The following EFR3A variants were observed in gnomAD, a reference collection of about 807,000 sequenced individuals.
EFR3A encodes EFR3 homolog A.
Under a neutral mutation model 104.4 loss-of-function variants are expected in EFR3A, and 76 were observed. The ratio of observed to expected loss-of-function variants is 0.73; its 90% CI spans 0.60 to 0.88. The LOEUF is 0.88. Ranked by LOEUF, EFR3A falls within the 40% of genes least tolerant of loss-of-function variation. The pLI is 0.00. For missense variants in EFR3A, 985 were observed against 1,012.5 expected, an observed-to-expected ratio of 0.97 and a Z score of 0.37; for synonymous variants, 330 against 330.0, an observed-to-expected ratio of 1.00 and a Z score of 0.00.
chr8:131,997,068 C>T (rs1821531598), intron 19 of EFR3A, among the ~76,000 whole-genome samples: 1 of 152,010 alleles, frequency 6.6e-6, no homozygotes, highest in Non-Finnish European at 1.5e-5. Flanking sequence ...AGATTTCATG[C>T]TCTCCTCCCG....
chr8:131,963,184 T>C (rs1169890566), intron 8 of EFR3A, among the ~76,000 whole-genome samples: 1 of 152,082 alleles, frequency 6.6e-6, no homozygotes, highest in Non-Finnish European at 1.5e-5. Flanking sequence ...AGCAAACACA[T>C]TCAAAAGCTA....
Position 131,926,610 on chromosome 8 carries a change from T to A in EFR3A, c.11-13889T>A, listed in dbSNP as rs546876950. On this transcript the variant is annotated intron_variant, in intron 1 of 22. Transcript: ENST00000254624. ...GAAACACACCTGTAAGTTGTTTTTT[T>A]AAAAAAAAATTTTGGAGGGTATTTT... Among the ~76,000 whole-genome samples, 31 of 151,732 alleles carry A rather than the reference T, an allele frequency of 2.0e-4. No homozygotes were observed. In the South Asian group the frequency reaches 5.6e-3, roughly 27 times the overall value.
At chr8:131,911,680 G>A (rs943287114) in intron 1 of EFR3A, among the ~76,000 whole-genome samples, 1 of 152,166 alleles carries the variant, frequency 6.6e-6, no homozygotes, top group African/African-American at 2.4e-5. Flanking sequence ...CCAAAGATAC[G>A]GGGGAAAATG....
Position 131,979,202 on chromosome 8 carries a change from G to C in EFR3A, c.1500-144G>C, listed in dbSNP as rs931936007. ...AAGATAACAAATTTTTGGAGGGCACGTATGTACTCTTCAGAAGCAATTCAG... is the reference window on the plus strand; with the variant it reads ...AAGATAACAAATTTTTGGAGGGCACCTATGTACTCTTCAGAAGCAATTCAG... On this transcript the variant is annotated intron_variant, in intron 13 of 22. Coordinates refer to ENST00000254624, the MANE Select transcript of EFR3A (RefSeq NM_015137.6). 1.1e-5 allele frequency: 10 copies of C among 919,896 alleles called. No homozygotes were observed. The Admixed American group carries it at 2.9e-4, about 27-fold the overall frequency. The allele number at this position is 919,896 out of a possible 1,614,324, so 57.0% of individuals were successfully genotyped here.
intron 12 of EFR3A, among the ~76,000 whole-genome samples, chr8:131,978,614 C>T (rs1820435207): frequency 6.6e-6 from 1 of 152,144 alleles, no homozygotes; most frequent in South Asian, 2.1e-4. Flanking sequence ...TGCTTAGAAT[C>T]ATGCCTAACA....
intron 3 of EFR3A, among the ~76,000 whole-genome samples, chr8:131,945,642 C>A (rs767802483): frequency 4.0e-5 from 6 of 151,772 alleles, no homozygotes; most frequent in Non-Finnish European, 7.4e-5. Context: ...TTAAATTTAC[C>A]CTTTAAAAAT....
chr8:131,962,321 C>CG (rs1210147280), intron 8 of EFR3A, among the ~76,000 whole-genome samples: 1 of 151,962 alleles, frequency 6.6e-6, no homozygotes, highest in African/African-American at 2.4e-5. Context: ...ACCCATCTCA[C>CG]GTGCAGAGAC....
Position 131,955,840 on chromosome 8 carries a change from T to A in EFR3A, c.711T>A (p.Cys237Ter). The A allele has an allele frequency of 6.2e-7, 1 of 1,613,678 alleles. No homozygotes were observed. Among genetic ancestry groups the A allele is most frequent in the Non-Finnish European group, 8.5e-7 (1 of 1,179,654 alleles). Residue 237 changes from cysteine (C) to a stop codon, truncating the protein, a stop_gained, in exon 7 of 23, where the codon TGT becomes TGA. Transcript: ENST00000254624. LOFTEE classifies it high-confidence loss of function. ...ATCCTGCTGTGCTGGCTGAAAACTG[T>A]TTCAGAGAACTGCTGGGTCGAGCAA... ...EENPAVLAEN[C>*]FRELLGRATF...
In EFR3A at chr8:131,904,184, A is replaced by ACCCTTCGCCCTTCG. The variant is rs776597379; in HGVS notation, c.-119_-106dup. 2 of 1,083,938 alleles carry ACCCTTCGCCCTTCG rather than the reference A, an allele frequency of 1.8e-6. No individual in the cohort carries two copies. Among genetic ancestry groups the ACCCTTCGCCCTTCG allele is most frequent in the Non-Finnish European group, 2.4e-6 (2 of 851,042 alleles). The allele number at this position is 1,083,938 out of a possible 1,614,324, so 67.1% of individuals were successfully genotyped here. ...CGCGGGGTCCGCGTCCGCTCCCTCCACCCTTCGCCCTTCGCCCTTCGCCTC... is the reference window on the plus strand; with the variant it reads ...CGCGGGGTCCGCGTCCGCTCCCTCCACCCTTCGCCCTTCGCCCTTCGCCCTTCGCCCTTCGCCTC... On this transcript the variant is annotated 5_prime_UTR_variant, in exon 1 of 23. Transcript: ENST00000254624.
chr8:131,935,718 C>G (rs1330911721), intron 1 of EFR3A, among the ~76,000 whole-genome samples: 2 of 151,944 alleles, frequency 1.3e-5, no homozygotes, highest in Non-Finnish European at 2.9e-5. Context: ...GTGTTACTAA[C>G]TTAGTATTTT....
intron 1 of EFR3A, among the ~76,000 whole-genome samples, chr8:131,926,753 G>C (rs1188790438): frequency 6.6e-6 from 1 of 152,114 alleles, no homozygotes; most frequent in African/African-American, 2.4e-5. Context: ...CCGAGTAACT[G>C]AGGCTATGAA....
rs549656201 is a variant in EFR3A at position 131,987,230 on chromosome 8, G to C, written c.1938-345G>C. Reference sequence around the variant, plus strand: ...GGGCTAATGATTTTTTTTTTATTTTGTCTCTCAGTACACTTTTTAATTAAC... The same window carrying C: ...GGGCTAATGATTTTTTTTTTATTTTCTCTCTCAGTACACTTTTTAATTAAC... On this transcript the variant is annotated intron_variant, in intron 17 of 22. Coordinates refer to ENST00000254624, the MANE Select transcript of EFR3A (RefSeq NM_015137.6). Among the ~76,000 whole-genome samples the C allele has an allele frequency of 1.8e-3, 280 of 151,460 alleles. 2 individuals are homozygous for C. The highest frequency in any genetic ancestry group is 6.6e-3 in the African/African-American group (272 of 41,316).
In EFR3A at chr8:131,984,312, T is replaced by C; in HGVS notation, c.1737+12T>C. The C allele has an allele frequency of 6.5e-7, 1 of 1,546,930 alleles. No homozygotes were observed. Among genetic ancestry groups the C allele is most frequent in the Non-Finnish European group, 8.7e-7 (1 of 1,149,404 alleles). Reference sequence around the variant, plus strand: ...CCATTGCTTTACAGGTATGCTTTCATAACCGTTCACTGCAGAAAACATTTT... The same window carrying C: ...CCATTGCTTTACAGGTATGCTTTCACAACCGTTCACTGCAGAAAACATTTT... On this transcript the variant is annotated intron_variant, in intron 15 of 22. Coordinates refer to ENST00000254624, the MANE Select transcript of EFR3A (RefSeq NM_015137.6).
chr8:131,919,128 C>G (rs1483012786), intron 1 of EFR3A, among the ~76,000 whole-genome samples: 3 of 151,738 alleles, frequency 2.0e-5, no homozygotes, highest in Non-Finnish European at 1.5e-5. Flanking sequence ...GCAGAAAGCC[C>G]CAAACCTATC....
At chr8:131,976,181 T>A in intron 11 of EFR3A, 40 bp downstream of exon 11, 1 of 1,274,918 alleles carries the variant, frequency 7.8e-7, no homozygotes, top group Non-Finnish European at 1.1e-6. Context: ...AATCTTGAGT[T>A]ACATTTTATC....
intron 18 of EFR3A, among the ~76,000 whole-genome samples, chr8:131,990,686 G>A (rs1358856107): frequency 1.3e-5 from 2 of 152,132 alleles, no homozygotes; most frequent in African/African-American, 4.8e-5. Context: ...GAGATGGGGT[G>A]ACTATTTATT....
At position 131,966,420 on chromosome 8, in the gene EFR3A, G is replaced by A. The variant is rs75568957; in HGVS notation, c.856-1875G>A. Among the ~76,000 whole-genome samples, 24 of 152,048 alleles carry A rather than the reference G, an allele frequency of 1.6e-4. No homozygotes were observed. The East Asian group carries it at 4.4e-3, about 28-fold the overall frequency. ...CTTCTGAATGAAATGCTCTTTTGTCGTCATTATTGTTATGTTCAATGTTAA... is the reference window on the plus strand; with the variant it reads ...CTTCTGAATGAAATGCTCTTTTGTCATCATTATTGTTATGTTCAATGTTAA... On this transcript the variant is annotated intron_variant, in intron 8 of 22. Coordinates refer to ENST00000254624, the MANE Select transcript of EFR3A (RefSeq NM_015137.6).
intron 20 of EFR3A, 34 bp downstream of exon 20, chr8:132,001,841 A>G: frequency 6.4e-7 from 1 of 1,560,672 alleles, no homozygotes; most frequent in Non-Finnish European, 8.8e-7. Flanking sequence ...TACTACCAAT[A>G]TTTAACTTAT....
chr8:131,966,760 T>C (rs1281571264), intron 8 of EFR3A, among the ~76,000 whole-genome samples: 1 of 152,164 alleles, frequency 6.6e-6, no homozygotes, highest in Non-Finnish European at 1.5e-5. Context: ...ATGTTGCGTC[T>C]TAAAGCGATT....
Sources: allele counts gnomAD v4.1 joint callset (sites outside exome capture counted in the v4.1 genomes callset), GRCh38; gene constraint gnomAD v4.1.1; transcripts MANE v1.5; gene names NCBI Gene and HGNC (gene_info 2026-07-23, HGNC 2026-07-21).